Variants in MCF2 observed in about 807,000 individuals in gnomAD.
The protein encoded by MCF2 is proto-oncogene DBL.
A neutral mutation model predicts 82.5 loss-of-function variants in MCF2; 44 were observed. The observed-to-expected ratio is 0.53, with a 90% CI of 0.42 to 0.69. The LOEUF is 0.69. MCF2 is among the 30% of genes least tolerant of loss of function. The probability of loss-of-function intolerance (pLI) is 0.00; values close to 1 mark genes in which losing one functional copy is unlikely to be tolerated. For missense variants in MCF2, 623 were observed against 663.1 expected, an observed-to-expected ratio of 0.94 and a Z score of 0.66; for synonymous variants, 217 against 224.9, an observed-to-expected ratio of 0.96 and a Z score of 0.32.
chrX:139,668,099 C>T (rs746963673), intron 1 of MCF2, among the ~76,000 whole-genome samples: 42 of 111,752 alleles, frequency 3.8e-4, no homozygotes, highest in Admixed American at 1.3e-3. Flanking sequence ...TTTCTAGCAC[C>T]GGCAGCTGCA....
At chrX:139,616,570 G>A (rs945650367) in intron 8 of MCF2, 97 bp from the exon 12 acceptor site, 39 of 450,757 alleles carry the variant, frequency 8.7e-5, no homozygotes, top group East Asian at 8.1e-4. Flanking sequence ...TCTGGCTTCC[G>A]TGAGTCAGAA....
At chrX:139,637,157 G>A (rs951096990) in intron 1 of MCF2, among the ~76,000 whole-genome samples, 1 of 111,345 alleles carries the variant, frequency 9.0e-6, no homozygotes, top group Non-Finnish European at 1.9e-5. Flanking sequence ...TATCTTCCTA[G>A]AGCACATGGA....
Position 139,658,104 on chromosome X carries a change from G to T in MCF2, c.-44-6316C>A. On this transcript the variant is annotated intron_variant, in intron 1 of 27. Transcript: ENST00000414978. Reference sequence around the variant, plus strand: ...AAGCAAAAAAAATCTATATACTCATGAATTTGGGAGGGGTCAGTAAGGGAG... The same window carrying T: ...AAGCAAAAAAAATCTATATACTCATTAATTTGGGAGGGGTCAGTAAGGGAG... 2.7e-5 allele frequency among the ~76,000 whole-genome samples: 3 copies of T among 111,656 alleles called. 1 individual carries two copies. In the Middle Eastern group the frequency reaches 0.014, roughly 515 times the overall value.
At chrX:139,700,465 G>T (rs1489853993) in intron 1 of MCF2, among the ~76,000 whole-genome samples, 2 of 112,037 alleles carry the variant, frequency 1.8e-5, no homozygotes, top group African/African-American at 6.5e-5. Flanking sequence ...CATTTTAATA[G>T]AATATTGATA....
rs1932626866 is a variant in MCF2 at position 139,624,347 on chromosome X, C to A, written c.687+1846G>T. On this transcript the variant is annotated intron_variant, in intron 6 of 24. Transcript: ENST00000370576. ...TTTGAGCCTAGGAGTTGCAGACCAG[C>A]CTGGGCAACACAGTGAGACCCCATC... Among the ~76,000 whole-genome samples the A allele has an allele frequency of 2.7e-5, 3 of 109,574 alleles. No homozygotes were observed. The South Asian group carries it at 1.2e-3, about 44-fold the overall frequency.
intron 9 of MCF2, 92 bp from the exon 13 acceptor site, chrX:139,615,144 A>T: frequency 1.6e-6 from 1 of 635,612 alleles, no homozygotes; most frequent in South Asian, 3.3e-5. Flanking sequence ...GGTCAAAAAA[A>T]TAATTTAGAG....
intron 1 of MCF2, among the ~76,000 whole-genome samples, chrX:139,635,744 G>A (rs1933171231): frequency 9.0e-6 from 1 of 111,490 alleles, no homozygotes; most frequent in South Asian, 3.7e-4. Flanking sequence ...TTTATTTTAG[G>A]TTTGGGGGTA....
chrX:139,613,973 C>T (rs967807476), intron 10 of MCF2, among the ~76,000 whole-genome samples: 1 of 110,834 alleles, frequency 9.0e-6, no homozygotes, highest in Non-Finnish European at 1.9e-5. Context: ...TTTTTATGCT[C>T]ATTATCCTTG....
intron 16 of MCF2, among the ~76,000 whole-genome samples, chrX:139,601,253 G>C (rs979192924): frequency 1.8e-5 from 2 of 111,562 alleles, no homozygotes; most frequent in African/African-American, 6.5e-5. Context: ...ATTTGTACAG[G>C]AGGTTCCAAA....
intron 1 of MCF2, among the ~76,000 whole-genome samples, chrX:139,666,209 CTT>C (rs1338352173): frequency 2.0e-5 from 2 of 100,666 alleles, no homozygotes; most frequent in African/African-American, 3.6e-5. Context: ...TTCATTCATT[CTT>C]TTTTTTTTTT....
At chrX:139,595,075 C>T (rs1403635017) in intron 19 of MCF2, among the ~76,000 whole-genome samples, 2 of 109,506 alleles carry the variant, frequency 1.8e-5, no homozygotes, top group African/African-American at 6.7e-5. Context: ...AGTCAGGAAA[C>T]AACAGGTGCT....
At chrX:139,700,593 T>C (rs1487103310) in intron 1 of MCF2, among the ~76,000 whole-genome samples, 1 of 111,987 alleles carries the variant, frequency 8.9e-6, no homozygotes, top group Non-Finnish European at 1.9e-5. Context: ...CAGAGGTCTA[T>C]AGCATTTGGG....
chrX:139,703,509 G>A (rs1935536952), intron 1 of MCF2, among the ~76,000 whole-genome samples: 1 of 111,943 alleles, frequency 8.9e-6, no homozygotes, highest in African/African-American at 3.3e-5. Context: ...GGCCGAGGAG[G>A]GGTGTCACCT....
chrX:139,626,577 C>A, intron 5 of MCF2, 46 bp downstream of exon 8: 1 of 1,136,221 alleles, frequency 8.8e-7, no homozygotes, highest in South Asian at 1.9e-5. Context: ...AATTTCCTTT[C>A]AAAAATATAA....
chrX:139,647,239 A>C (rs988461790), upstream of MCF2, among the ~76,000 whole-genome samples: 5 of 111,997 alleles, frequency 4.5e-5, no homozygotes, highest in Non-Finnish European at 5.6e-5. Flanking sequence ...TTCTATACCA[A>C]TGAGCCTAAA....
intron 1 of MCF2, among the ~76,000 whole-genome samples, chrX:139,678,173 C>A (rs1482256293): frequency 9.0e-6 from 1 of 111,523 alleles, no homozygotes; most frequent in African/African-American, 3.3e-5. Context: ...AAAAAAAAAT[C>A]TTTTTTAATG....
chrX:139,689,113 G>A (rs989194476), intron 1 of MCF2, among the ~76,000 whole-genome samples: 2 of 111,208 alleles, frequency 1.8e-5, no homozygotes, highest in Non-Finnish European at 3.8e-5. Context: ...TCTTAATTCC[G>A]CTCAGACCTC....
exon 25 of MCF2, chrX:139,582,103 T>G: frequency 4.1e-6 from 1 of 242,148 alleles, no homozygotes; most frequent in Non-Finnish European, 7.4e-6. Flanking sequence ...TTACTTGACC[T>G]TAGCCATTTT....
At chrX:139,587,524 G>A (rs1240223450) in intron 22 of MCF2, among the ~76,000 whole-genome samples, 192 bp downstream of exon 26, 3 of 111,447 alleles carry the variant, frequency 2.7e-5, no homozygotes, top group Non-Finnish European at 5.6e-5. Context: ...ATCAACCCAA[G>A]GGATAACTAT....
Sources: allele counts gnomAD v4.1 joint callset (sites outside exome capture counted in the v4.1 genomes callset), GRCh38; gene constraint gnomAD v4.1.1; transcripts MANE v1.5; gene names NCBI Gene and HGNC (gene_info 2026-07-23, HGNC 2026-07-21).